Variants in PTK2 observed in about 807,000 individuals in gnomAD.
The protein encoded by PTK2 is protein tyrosine kinase 2.
PTK2 carries 45 observed loss-of-function variants against 150.1 expected under a neutral mutation model. That is an observed-to-expected ratio of 0.30 (90% CI 0.24 to 0.38). The LOEUF is 0.38. Among genes scored for constraint, PTK2 ranks in the 10% least tolerant of loss-of-function variants. The probability of loss-of-function intolerance (pLI) is 1.00; values close to 1 mark genes in which losing one functional copy is unlikely to be tolerated. For synonymous variants in PTK2, 432 were observed against 449.2 expected, an observed-to-expected ratio of 0.96 and a Z score of 0.48; for missense variants, 919 against 1,307.3, an observed-to-expected ratio of 0.70 and a Z score of 4.58.
intron 9 of PTK2, 106 bp downstream of exon 9, chr8:140,818,774 A>C (rs1597046020): frequency 8.1e-7 from 1 of 1,229,768 alleles, no homozygotes; most frequent in Non-Finnish European, 1.1e-6. Flanking sequence ...TTATTGAAAA[A>C]AATGGGACAA....
intron 1 of PTK2, among the ~76,000 whole-genome samples, chr8:140,969,039 C>T (rs1419241693): frequency 6.6e-6 from 1 of 152,128 alleles, no homozygotes; most frequent in Admixed American, 6.5e-5. Context: ...CACATTGCAC[C>T]CTGTCACTCC....
chr8:140,702,425 C>T, intron 25 of PTK2, 145 bp downstream of exon 28: 5 of 1,030,554 alleles, frequency 4.9e-6, no homozygotes, highest in Non-Finnish European at 7.1e-6. Flanking sequence ...CGCTATGTTG[C>T]CCAGTCTGGT....
intron 4 of PTK2, among the ~76,000 whole-genome samples, chr8:140,876,454 T>C (rs2100145579): frequency 6.6e-6 from 1 of 152,240 alleles, no homozygotes; most frequent in Non-Finnish European, 1.5e-5. Flanking sequence ...GGTGTCATCC[T>C]GTCTTGTTCT....
chr8:140,912,327 G>GT (rs2100163526), intron 2 of PTK2, among the ~76,000 whole-genome samples: 1 of 151,448 alleles, frequency 6.6e-6, no homozygotes, highest in African/African-American at 2.4e-5. Flanking sequence ...AATGCAGGTT[G>GT]TTTTAACATT....
exon 5 of PTK2, chr8:140,864,355 T>C: frequency 6.2e-7 from 1 of 1,601,692 alleles, no homozygotes; most frequent in Non-Finnish European, 8.5e-7. Context: ...TTCAGTAAAC[T>C]GGTTTAGAAA....
chr8:140,744,617 G>C, intron 19 of PTK2, 35 bp downstream of exon 22: 1 of 1,368,942 alleles, frequency 7.3e-7, no homozygotes, highest in Non-Finnish European at 1.0e-6. Context: ...CTACTTTTCA[G>C]AAGGGAACTT....
intron 5 of PTK2, among the ~76,000 whole-genome samples, chr8:140,849,211 G>C (rs2100127584): frequency 6.6e-6 from 1 of 152,152 alleles, no homozygotes; most frequent in African/African-American, 2.4e-5. Flanking sequence ...ATAGATCTGA[G>C]ATAGAATAAG....
At chr8:140,769,162 A>G (rs2100074145) in intron 14 of PTK2, among the ~76,000 whole-genome samples, 1 of 152,178 alleles carries the variant, frequency 6.6e-6, no homozygotes, top group African/African-American at 2.4e-5. Flanking sequence ...TGAGTCTTTA[A>G]AATCATTTTT....
chr8:140,681,689 A>G (rs2100017053), intron 27 of PTK2, among the ~76,000 whole-genome samples: 1 of 151,982 alleles, frequency 6.6e-6, no homozygotes, highest in Admixed American at 6.6e-5. Flanking sequence ...AGGCAGGAGA[A>G]TGGTGTGAAC....
intron 1 of PTK2, among the ~76,000 whole-genome samples, chr8:140,955,419 A>C (rs187463679): frequency 6.6e-6 from 1 of 152,304 alleles, no homozygotes; most frequent in Admixed American, 6.5e-5. Context: ...CATGATTGTA[A>C]GGTCTCCCCA....
chr8:140,719,185 C>A (rs184025505), intron 22 of PTK2, among the ~76,000 whole-genome samples: 259 of 151,868 alleles, frequency 1.7e-3, no homozygotes, highest in East Asian at 8.9e-3. Context: ...CAAAAAAAAA[C>A]CCCCAAAATC....
chr8:140,718,342 C>T (rs1422904729), intron 22 of PTK2: 3 of 152,286 alleles, frequency 2.0e-5, no homozygotes, highest in African/African-American at 7.2e-5. Flanking sequence ...CAGAAGCTAT[C>T]TGAAGTCCCA....
intron 5 of PTK2, among the ~76,000 whole-genome samples, chr8:140,851,991 A>G (rs2100129581): frequency 6.6e-6 from 1 of 152,168 alleles, no homozygotes; most frequent in Non-Finnish European, 1.5e-5. Context: ...ATGTGTGTGC[A>G]CACACACAAT....
intron 26 of PTK2, among the ~76,000 whole-genome samples, chr8:140,697,456 T>TG (rs1564589217): frequency 7.1e-6 from 1 of 141,502 alleles, no homozygotes; most frequent in Non-Finnish European, 1.5e-5. Context: ...GTGTGTGTGT[T>TG]TTTAAACGGA....
intron 17 of PTK2, 76 bp downstream of exon 20, chr8:140,752,156 T>C: frequency 8.0e-7 from 1 of 1,249,170 alleles, no homozygotes; most frequent in South Asian, 1.3e-5. Context: ...ACTATTTTTC[T>C]TATTTCTTCA....
At chr8:140,886,541 C>A (rs2100152379) in intron 3 of PTK2, among the ~76,000 whole-genome samples, 1 of 152,188 alleles carries the variant, frequency 6.6e-6, no homozygotes, top group African/African-American at 2.4e-5. Context: ...AGACAGCATA[C>A]AAGGCAGCAA....
At chr8:140,721,417 C>T (rs1219342079) in intron 22 of PTK2, among the ~76,000 whole-genome samples, 1 of 152,114 alleles carries the variant, frequency 6.6e-6, no homozygotes, top group Non-Finnish European at 1.5e-5. Flanking sequence ...GGAGTTGATA[C>T]TTTGGTATGA....
At chr8:140,756,159 C>T (rs1039683139) in intron 16 of PTK2, among the ~76,000 whole-genome samples, 4 of 151,638 alleles carry the variant, frequency 2.6e-5, no homozygotes, top group Non-Finnish European at 5.9e-5. Flanking sequence ...CCTGTCTCTA[C>T]TAAAAATACA....
intron 26 of PTK2, among the ~76,000 whole-genome samples, chr8:140,692,542 G>T (rs1036061649): frequency 1.3e-5 from 2 of 152,096 alleles, no homozygotes; most frequent in African/African-American, 4.8e-5. Context: ...GCTTAAACCC[G>T]GGAGGCGGAG....
Sources: allele counts gnomAD v4.1 joint callset (sites outside exome capture counted in the v4.1 genomes callset), GRCh38; gene constraint gnomAD v4.1.1; transcripts MANE v1.5; gene names NCBI Gene and HGNC (gene_info 2026-07-23, HGNC 2026-07-21).